PPM1H: variants seen among roughly 807,000 people sequenced by gnomAD.
PPM1H encodes the protein protein phosphatase 1H.
In PPM1H, 27 loss-of-function variants were observed where a neutral mutation model predicts 54.9. The ratio of observed to expected loss-of-function variants is 0.49; its 90% CI spans 0.36 to 0.68. The LOEUF (loss-of-function observed/expected upper bound fraction) is 0.68. Ranked by LOEUF, PPM1H falls within the 30% of genes least tolerant of loss-of-function variation. PPM1H has a pLI of 0.00. For synonymous variants in PPM1H, 305 were observed against 270.8 expected, an observed-to-expected ratio of 1.13 and a Z score of -1.24; for missense variants, 596 against 667.8, an observed-to-expected ratio of 0.89 and a Z score of 1.19.
intron 5 of PPM1H, chr12:62,721,002 G>T (rs80178341): frequency 0.011 from 1,706 of 152,388 alleles, 36 homozygotes; most frequent in East Asian, 0.094. Flanking sequence ...CTACTCAGAG[G>T]CCACATGCTG....
chr12:62,823,542 T>C (rs1466334629), intron 2 of PPM1H, among the ~76,000 whole-genome samples: 1 of 152,188 alleles, frequency 6.6e-6, no homozygotes, highest in Non-Finnish European at 1.5e-5. Context: ...TCAAAAAGCT[T>C]ATCCACCATG....
intron 9 of PPM1H, chr12:62,659,080 T>A (rs1185666834): frequency 9.1e-5 from 66 of 728,868 alleles, no homozygotes; most frequent in Non-Finnish European, 1.5e-4. Flanking sequence ...CCGGAAGTGC[T>A]GCTGCCATGC....
At chr12:62,800,270 G>A (rs1378229936) in intron 3 of PPM1H, among the ~76,000 whole-genome samples, 3 of 151,912 alleles carry the variant, frequency 2.0e-5, no homozygotes, top group Non-Finnish European at 4.4e-5. Context: ...CTGGCAAGAC[G>A]CTTCTAGCTG....
chr12:62,684,797 T>C (rs552366986), intron 8 of PPM1H, among the ~76,000 whole-genome samples: 1 of 152,268 alleles, frequency 6.6e-6, no homozygotes, highest in Admixed American at 6.5e-5. Flanking sequence ...GGGTCAGTTA[T>C]TCTTCCTTAG....
At chr12:62,817,228 T>C (rs1263813384) in intron 2 of PPM1H, among the ~76,000 whole-genome samples, 1 of 144,424 alleles carries the variant, frequency 6.9e-6, no homozygotes, top group African/African-American at 2.6e-5. Flanking sequence ...TTTGGGAGGC[T>C]GAGGCGGGCA....
chr12:62,749,254 C>A (rs1250679969), intron 4 of PPM1H, among the ~76,000 whole-genome samples: 1 of 152,180 alleles, frequency 6.6e-6, no homozygotes, highest in Non-Finnish European at 1.5e-5. Flanking sequence ...TGCCCTGATT[C>A]CATTACACAC....
At chr12:62,908,477 C>T (rs901982655) in intron 1 of PPM1H, among the ~76,000 whole-genome samples, 2 of 150,496 alleles carry the variant, frequency 1.3e-5, no homozygotes, top group African/African-American at 4.9e-5. Context: ...TTTTTAAAAT[C>T]CTACCCAAGG....
In PPM1H at chr12:62,802,168, A is replaced by G; in HGVS notation, c.412-8T>C. 12 of 1,548,824 alleles carry G rather than the reference A, an allele frequency of 7.7e-6. No individual in the cohort carries two copies. The highest frequency in any genetic ancestry group is 1.0e-5 in the Non-Finnish European group (12 of 1,144,836). ...GGAAACACCCTCGGATTCCTGTGGG[A>G]GAGGACGACAGGGAGGAGTGAGAAC... On this transcript the variant is annotated splice_region_variant and splice_polypyrimidine_tract_variant and intron_variant, in intron 2 of 9. Transcript: ENST00000228705.
chr12:62,768,123 C>T (rs927980821), intron 4 of PPM1H, among the ~76,000 whole-genome samples: 3 of 152,160 alleles, frequency 2.0e-5, no homozygotes, highest in Admixed American at 1.3e-4. Flanking sequence ...GTGGGTCATA[C>T]ATCACTCGCC....
chr12:62,802,248 G>C (rs1787948014), intron 2 of PPM1H, 88 bp from the exon 3 acceptor site: 1 of 1,052,912 alleles, frequency 9.5e-7, no homozygotes, highest in African/African-American at 1.6e-5. Flanking sequence ...ATGGGACTGA[G>C]GGTCCACTTG....
chr12:62,721,350 C>A (rs1441184003), intron 5 of PPM1H, among the ~76,000 whole-genome samples: 4 of 152,176 alleles, frequency 2.6e-5, no homozygotes, highest in Non-Finnish European at 4.4e-5. Flanking sequence ...TGTCACCAGG[C>A]TGGTCATATT....
At chr12:62,870,208 C>A (rs1362881458) in intron 1 of PPM1H, among the ~76,000 whole-genome samples, 1 of 152,114 alleles carries the variant, frequency 6.6e-6, no homozygotes, top group African/African-American at 2.4e-5. Flanking sequence ...ATTGGAGATG[C>A]CTTGAGTCAG....
At chr12:62,831,536 G>A (rs1486059977) in intron 2 of PPM1H, among the ~76,000 whole-genome samples, 1 of 151,946 alleles carries the variant, frequency 6.6e-6, no homozygotes, top group African/African-American at 2.4e-5. Flanking sequence ...AGAACATCAG[G>A]CACAGGCTGC....
intron 9 of PPM1H, among the ~76,000 whole-genome samples, chr12:62,655,154 T>C (rs186890903): frequency 2.6e-5 from 4 of 152,286 alleles, no homozygotes; most frequent in Admixed American, 6.5e-5. Context: ...ATGAAGTCAC[T>C]CGCAGGAGCT....
intron 1 of PPM1H, among the ~76,000 whole-genome samples, chr12:62,832,701 A>G (rs1224931714): frequency 6.6e-6 from 1 of 152,206 alleles, no homozygotes; most frequent in East Asian, 1.9e-4. Flanking sequence ...CATCAATCTT[A>G]TCAAGGTACA....
At chr12:62,886,120 T>G (rs913581889) in intron 1 of PPM1H, among the ~76,000 whole-genome samples, 9 of 152,260 alleles carry the variant, frequency 5.9e-5, no homozygotes, top group Non-Finnish European at 1.0e-4. Flanking sequence ...ACCAGTGCAC[T>G]GCCTTTGGTT....
intron 4 of PPM1H, among the ~76,000 whole-genome samples, chr12:62,771,390 CT>C (rs2076579300): frequency 6.6e-6 from 1 of 151,510 alleles, no homozygotes; most frequent in Non-Finnish European, 1.5e-5. Context: ...CACATCTAAC[CT>C]GGTAAGAATA....
intron 1 of PPM1H, among the ~76,000 whole-genome samples, chr12:62,913,767 C>A (rs557416137): frequency 6.6e-6 from 1 of 152,130 alleles, no homozygotes; most frequent in African/African-American, 2.4e-5. Flanking sequence ...GTGGTTTAAT[C>A]TCGGCTCACT....
At chr12:62,819,892 T>A (rs1017891250) in intron 2 of PPM1H, among the ~76,000 whole-genome samples, 20 of 152,180 alleles carry the variant, frequency 1.3e-4, no homozygotes, top group Non-Finnish European at 2.2e-4. Flanking sequence ...CATTTCGAAC[T>A]GAGGTACCTG....
Sources: allele counts gnomAD v4.1 joint callset (sites outside exome capture counted in the v4.1 genomes callset), GRCh38; gene constraint gnomAD v4.1.1; transcripts MANE v1.5; gene names NCBI Gene and HGNC (gene_info 2026-07-23, HGNC 2026-07-21).